The following ZFAND4 variants were observed in gnomAD, a reference collection of about 807,000 sequenced individuals.
ZFAND4 encodes AN1-type zinc finger protein 4.
A neutral mutation model predicts 64.4 loss-of-function variants in ZFAND4; 43 were observed. The observed-to-expected ratio is 0.67, with a 90% CI of 0.52 to 0.86. The LOEUF (loss-of-function observed/expected upper bound fraction) is 0.86, where lower values mean the gene tolerates loss of function less well. ZFAND4 is among the 40% of genes least tolerant of loss of function. The pLI is 0.00. For missense variants in ZFAND4, 929 were observed against 859.8 expected (o/e 1.08, Z -1.01); for synonymous variants, 296 against 305.7 (o/e 0.97, Z 0.33).
At position 45,626,123 on chromosome 10, in the gene ZFAND4, A is replaced by T. The variant is rs575699725; in HGVS notation, c.1700T>A (p.Ile567Asn). Residue 567 changes from isoleucine to asparagine, a missense_variant, in exon 7 of 10, where the codon ATC (isoleucine) becomes AAC (asparagine). Ile to Asn is a moderately radical substitution (Grantham distance 149). Transcript: ENST00000344646. ...CCCGGCCAGTGAGGCAAGAAAACTGATATTATTTACACAACCAACAGGCTC... is the reference window on the plus strand; with the variant it reads ...CCCGGCCAGTGAGGCAAGAAAACTGTTATTATTTACACAACCAACAGGCTC... ...SKEPVGCVNN[I>N]SFLASLAGST... 2 of 1,613,986 alleles carry T rather than the reference A, an allele frequency of 1.2e-6. No individual in the cohort carries two copies. Among genetic ancestry groups the T allele is most frequent in the Non-Finnish European group, 1.7e-6 (2 of 1,180,054 alleles).
Position 45,626,412 on chromosome 10 carries a change from GTC to G in ZFAND4, c.1409_1410del (p.Arg470ThrfsTer15). 1 of 1,613,996 alleles carries G rather than the reference GTC, an allele frequency of 6.2e-7. No homozygotes were observed. Among genetic ancestry groups the G allele is most frequent in the South Asian group, 1.1e-5 (1 of 91,088 alleles). The stretch of plus-strand genomic sequence containing the variant: ...GCAGAACAGCGAAGAGGTGACAAGA[GTC>G]TATTCTTGTGAGGACTTAATTCCCG... ...NYRELSPHKN[R>X]LLSPLRCSAP... On this transcript the variant is annotated frameshift_variant, in exon 7 of 10. Transcript: ENST00000344646. LOFTEE classifies it high-confidence loss of function.
At chr10:45,653,916 C>T (rs751111092) in intron 2 of ZFAND4, among the ~76,000 whole-genome samples, 1 of 152,188 alleles carries the variant, frequency 6.6e-6, no homozygotes, top group Non-Finnish European at 1.5e-5. Context: ...TGAAATCAAT[C>T]AAGATGCCCC....
chr10:45,649,787 T>C (rs902167085), intron 4 of ZFAND4: 5 of 152,128 alleles, frequency 3.3e-5, no homozygotes. Flanking sequence ...AAAATTTGGA[T>C]CAGAGAGCAG....
chr10:45,619,970 C>T (rs1302599547), intron 8 of ZFAND4, among the ~76,000 whole-genome samples: 2 of 152,148 alleles, frequency 1.3e-5, no homozygotes, highest in Non-Finnish European at 2.9e-5. Context: ...TATTTACTTG[C>T]ACTTGCACAA....
intron 2 of ZFAND4, among the ~76,000 whole-genome samples, chr10:45,654,488 A>G (rs1293212327): frequency 6.6e-6 from 1 of 151,910 alleles, no homozygotes; most frequent in Non-Finnish European, 1.5e-5. Context: ...GCATAGTGGC[A>G]GGCGCCTGTA....
chr10:45,656,501 C>CAAAAAAAAAAAAAAAAAAA (rs541781976), intron 2 of ZFAND4, among the ~76,000 whole-genome samples: 2 of 24,712 alleles, frequency 8.1e-5, no homozygotes, highest in African/African-American at 1.9e-4. Flanking sequence ...GAACCTGTCT[C>CAAAAAAAAAAAAAAAAAAA]AAAAAAAAAA....
Position 45,622,542 on chromosome 10 carries a change from T to C in ZFAND4, c.1927+2041A>G, listed in dbSNP as rs1054953163. ...GGATTTCCTAATGTGTCAGGCATTC[T>C]GGACTTTCCAGTGATGCCACTGAGA... On this transcript the variant is annotated intron_variant, in intron 8 of 9. Coordinates refer to ENST00000344646, the MANE Select transcript of ZFAND4 (RefSeq NM_174890.4). 3.3e-5 allele frequency among the ~76,000 whole-genome samples: 5 copies of C among 152,376 alleles called. No homozygotes were observed. The East Asian group carries it at 9.6e-4, about 29-fold the overall frequency.
rs907778621 is a variant in ZFAND4, at chr10:45,626,874, G to T, written c.949C>A (p.Leu317Ile). The change falls in exon 7 of 10, where the codon CTT becomes ATT. Residue 317 changes from leucine (L) to isoleucine (I), a missense_variant. Leu to Ile is a conservative substitution (Grantham distance 5). Coordinates refer to ENST00000344646, the MANE Select transcript of ZFAND4 (RefSeq NM_174890.4). ...RYISSITGEF[L>I]KEDNSWENNT... ...TTCTCCCAGCTATTATCTTCCTTAAGAAATTCACCAGTGATAGAAGATATG... is the reference window on the plus strand; with the variant it reads ...TTCTCCCAGCTATTATCTTCCTTAATAAATTCACCAGTGATAGAAGATATG... 7.4e-6 allele frequency: 12 copies of T among 1,614,078 alleles called. No individual in the cohort carries two copies. Among genetic ancestry groups the T allele is most frequent in the Non-Finnish European group, 1.0e-5 (12 of 1,180,038 alleles).
chr10:45,646,783 G>A (rs2047413222), intron 5 of ZFAND4, among the ~76,000 whole-genome samples: 1 of 152,194 alleles, frequency 6.6e-6, no homozygotes, highest in Non-Finnish European at 1.5e-5. Context: ...TAAACAGTGA[G>A]CCAGCACACG....
At chr10:45,666,399 T>G (rs1009050513) in intron 1 of ZFAND4, among the ~76,000 whole-genome samples, 8 of 152,328 alleles carry the variant, frequency 5.3e-5, no homozygotes, top group African/African-American at 1.9e-4. Context: ...TTTAATTGGA[T>G]TTTTTATTGA....
At chr10:45,655,302 G>A (rs2048028261) in intron 2 of ZFAND4, among the ~76,000 whole-genome samples, 1 of 152,180 alleles carries the variant, frequency 6.6e-6, no homozygotes, top group African/African-American at 2.4e-5. Flanking sequence ...TTCTTCCAAA[G>A]GAATGATAAT....
chr10:45,640,174 GA>G (rs2046887771), intron 5 of ZFAND4: 2 of 1,252,684 alleles, frequency 1.6e-6, no homozygotes, highest in South Asian at 3.7e-5. Flanking sequence ...TAGGATTACT[GA>G]AAATCTAGTA....
At chr10:45,667,562 G>A (rs928881946) in intron 1 of ZFAND4, among the ~76,000 whole-genome samples, 3 of 147,152 alleles carry the variant, frequency 2.0e-5, no homozygotes, top group Admixed American at 1.4e-4. Context: ...TCCGCCTCCC[G>A]AGTTCAAGCG....
At chr10:45,625,823 T>C (rs1398329309) in intron 7 of ZFAND4, 128 bp downstream of exon 7, 1 of 957,172 alleles carries the variant, frequency 1.0e-6, no homozygotes, top group South Asian at 1.8e-5. Flanking sequence ...AAATAAACAT[T>C]TTCAGATAAA....
chr10:45,629,672 A>G (rs2046073923), intron 6 of ZFAND4, among the ~76,000 whole-genome samples: 2 of 151,902 alleles, frequency 1.3e-5, no homozygotes. Flanking sequence ...ACCAGCCTAG[A>G]AAACATGAGA....
intron 1 of ZFAND4, among the ~76,000 whole-genome samples, chr10:45,668,256 A>C (rs2048962154): frequency 6.6e-6 from 1 of 152,214 alleles, no homozygotes; most frequent in African/African-American, 2.4e-5. Context: ...ATTTGGTATC[A>C]GGGTAATATT....
At chr10:45,635,207 A>AC (rs1417249192) in intron 6 of ZFAND4, among the ~76,000 whole-genome samples, 25 of 144,804 alleles carry the variant, frequency 1.7e-4, no homozygotes, top group Admixed American at 9.6e-4. Flanking sequence ...AAAAAAAAAA[A>AC]AAAAAACAAA....
chr10:45,666,977 C>G (rs2048866781), intron 1 of ZFAND4, among the ~76,000 whole-genome samples: 1 of 152,114 alleles, frequency 6.6e-6, no homozygotes, highest in African/African-American at 2.4e-5. Flanking sequence ...TTCTGGACTC[C>G]TTGAATTGCC....
At chr10:45,629,584 G>A (rs1325237326) in intron 6 of ZFAND4, among the ~76,000 whole-genome samples, 1 of 152,174 alleles carries the variant, frequency 6.6e-6, no homozygotes, top group Non-Finnish European at 1.5e-5. Context: ...ATTTGAGCCA[G>A]GCATGGTGGC....
Sources: gnomAD v4.1 joint callset for allele counts (sites outside exome capture counted in the v4.1 genomes callset) on GRCh38, gnomAD v4.1.1 for gene constraint, MANE v1.5 for transcripts, NCBI Gene and HGNC (gene_info 2026-07-23, HGNC 2026-07-21) for gene names.